The following STXBP5L variants were observed in gnomAD, a reference collection of about 807,000 sequenced individuals.
STXBP5L encodes syntaxin binding protein 5L.
In STXBP5L, 65 loss-of-function variants were observed where a neutral mutation model predicts 144.5. The ratio of observed to expected loss-of-function variants is 0.45; its 90% confidence interval spans 0.37 to 0.55. The LOEUF is 0.55. Among genes scored for constraint, STXBP5L ranks in the 20% least tolerant of loss-of-function variants. STXBP5L has a pLI of 0.00. For missense variants in STXBP5L, 1,298 were observed against 1,405.5 expected (o/e 0.92, Z 1.22); for synonymous variants, 505 against 469.6 (o/e 1.08, Z -0.97).
chr3:121,385,516 G>A (rs1336130069), intron 22 of STXBP5L, among the ~76,000 whole-genome samples: 1 of 152,094 alleles, frequency 6.6e-6, no homozygotes, highest in Non-Finnish European at 1.5e-5. Context: ...ATTTCAACAT[G>A]AGATTTGGAG....
intron 18 of STXBP5L, among the ~76,000 whole-genome samples, chr3:121,274,957 G>C (rs1429119546): frequency 1.3e-5 from 2 of 152,264 alleles, no homozygotes; most frequent in South Asian, 4.1e-4. Flanking sequence ...CAAGGTAAGA[G>C]AGCAGTCAGT....
chr3:121,098,642 C>T (rs2043254687), intron 5 of STXBP5L, among the ~76,000 whole-genome samples: 1 of 152,162 alleles, frequency 6.6e-6, no homozygotes. Flanking sequence ...TGAAGTGGCT[C>T]AGCTGTGGAA....
At chr3:121,053,881 C>G (rs1948230995) in intron 5 of STXBP5L, among the ~76,000 whole-genome samples, 2 of 151,670 alleles carry the variant, frequency 1.3e-5, no homozygotes, top group African/African-American at 4.8e-5. Context: ...TGAACTCAAA[C>G]AAATTTACAA....
At chr3:121,184,950 A>G (rs574091813) in intron 9 of STXBP5L, among the ~76,000 whole-genome samples, 1 of 152,218 alleles carries the variant, frequency 6.6e-6, no homozygotes, top group Non-Finnish European at 1.5e-5. Context: ...CCAGAATTTC[A>G]TATCCAGCCA....
chr3:120,969,768 A>T (rs1026032582), intron 3 of STXBP5L, among the ~76,000 whole-genome samples: 1 of 151,392 alleles, frequency 6.6e-6, no homozygotes, highest in Non-Finnish European at 1.5e-5. Context: ...TGTGGCTTGC[A>T]CTCTTTTAAT....
intron 10 of STXBP5L, among the ~76,000 whole-genome samples, chr3:121,215,619 C>T (rs949469835): frequency 6.6e-6 from 1 of 152,186 alleles, no homozygotes; most frequent in African/African-American, 2.4e-5. Flanking sequence ...ACCTTTCTCT[C>T]TGGCTGCCCT....
At chr3:121,387,877 C>T (rs149013155) in intron 22 of STXBP5L, among the ~76,000 whole-genome samples, 6,253 of 152,162 alleles carry the variant, frequency 0.041, 194 homozygotes, top group Non-Finnish European at 0.06. Flanking sequence ...ATTGTCTTGG[C>T]GATGCAGGCT....
chr3:120,975,274 G>T (rs972622004), intron 3 of STXBP5L, among the ~76,000 whole-genome samples: 1 of 152,134 alleles, frequency 6.6e-6, no homozygotes, highest in African/African-American at 2.4e-5. Context: ...TTGTAAGTTG[G>T]ATTCCTAGGT....
chr3:120,989,155 G>A (rs536464176), intron 3 of STXBP5L, among the ~76,000 whole-genome samples: 12 of 152,050 alleles, frequency 7.9e-5, no homozygotes, highest in Non-Finnish European at 1.2e-4. Context: ...TTGATACAAT[G>A]ATTTCTCTTC....
intron 5 of STXBP5L, among the ~76,000 whole-genome samples, chr3:121,047,176 A>G (rs995512687): frequency 6.6e-6 from 1 of 151,928 alleles, no homozygotes; most frequent in Non-Finnish European, 1.5e-5. Flanking sequence ...CGATTTTCTT[A>G]GTATTGATTT....
At chr3:121,212,188 T>G (rs1171871853) in intron 10 of STXBP5L, among the ~76,000 whole-genome samples, 1 of 152,240 alleles carries the variant, frequency 6.6e-6, no homozygotes, top group Non-Finnish European at 1.5e-5. Flanking sequence ...CATGATAGTT[T>G]CTTTTGCTGT....
chr3:121,355,906 T>C (rs2045493895), intron 20 of STXBP5L, among the ~76,000 whole-genome samples: 1 of 152,142 alleles, frequency 6.6e-6, no homozygotes, highest in South Asian at 2.1e-4. Context: ...GTTGATGCTA[T>C]TCCTTTCTGT....
intron 20 of STXBP5L, among the ~76,000 whole-genome samples, chr3:121,341,283 G>A (rs1008114083): frequency 6.6e-5 from 10 of 152,062 alleles, no homozygotes; most frequent in African/African-American, 1.4e-4. Flanking sequence ...AAAGGTGCTC[G>A]ACATCCTTGA....
At chr3:120,913,277 T>C (rs973398807) in intron 2 of STXBP5L, among the ~76,000 whole-genome samples, 3 of 151,956 alleles carry the variant, frequency 2.0e-5, no homozygotes, top group African/African-American at 7.2e-5. Flanking sequence ...TGGCCAGTAT[T>C]TCTTAACTCT....
chr3:121,378,626 C>G (rs2046250909), intron 20 of STXBP5L, 90 bp from the exon 21 acceptor site: 1 of 1,310,298 alleles, frequency 7.6e-7, no homozygotes, highest in Admixed American at 2.5e-5. Flanking sequence ...GGAATTGTTG[C>G]TCATCTTCAT....
At chr3:121,024,433 G>A (rs956428488) in intron 3 of STXBP5L, among the ~76,000 whole-genome samples, 2 of 152,098 alleles carry the variant, frequency 1.3e-5, no homozygotes, top group Non-Finnish European at 2.9e-5. Flanking sequence ...AATGCCTCTG[G>A]TTGAGCATTG....
chr3:121,186,744 G>A lies in STXBP5L; in HGVS notation c.878-19179G>A, dbSNP rs528328011. On this transcript the variant is annotated intron_variant, in intron 9 of 26. Transcript: ENST00000471454. ...CATTGACAAACAACCCCATCAACAAGTGGGCAAAGGGTATGAACAGACGCT... is the reference window on the plus strand; with the variant it reads ...CATTGACAAACAACCCCATCAACAAATGGGCAAAGGGTATGAACAGACGCT... Among the ~76,000 whole-genome samples, 4 of 152,272 alleles carry A rather than the reference G, an allele frequency of 2.6e-5. No homozygotes were observed. The South Asian group carries it at 6.2e-4, about 24-fold the overall frequency.
At position 121,345,157 on chromosome 3, in the gene STXBP5L, G is replaced by A. The variant is rs576000800; in HGVS notation, c.2176+26617G>A. 1.5e-4 allele frequency among the ~76,000 whole-genome samples: 23 copies of A among 151,702 alleles called. No homozygotes were observed. In the South Asian group the frequency reaches 3.1e-3, roughly 21 times the overall value. ...TATTTCTCCTAATGCTATCCCTCCC[G>A]CAGCCCCCCACTCCCTGACAGGACC... On this transcript the variant is annotated intron_variant, in intron 20 of 26. Coordinates refer to ENST00000471454, the MANE Select transcript of STXBP5L (RefSeq NM_001308330.2).
At chr3:121,334,098 G>A (rs1402972435) in intron 20 of STXBP5L, among the ~76,000 whole-genome samples, 1 of 152,046 alleles carries the variant, frequency 6.6e-6, no homozygotes, top group Non-Finnish European at 1.5e-5. Flanking sequence ...TTCTTTGCCT[G>A]CCACCATCCA....
Sources: gnomAD v4.1 joint callset for allele counts (sites outside exome capture counted in the v4.1 genomes callset) on GRCh38, gnomAD v4.1.1 for gene constraint, MANE v1.5 for transcripts, NCBI Gene and HGNC (gene_info 2026-07-23, HGNC 2026-07-21) for gene names.